The following EFCAB13 variants were observed in gnomAD, a reference collection of about 807,000 sequenced individuals.
The protein encoded by EFCAB13 is EF-hand calcium-binding domain-containing protein 13.
In EFCAB13, 91 loss-of-function variants were observed where a neutral mutation model predicts 110.2. The ratio of observed to expected loss-of-function variants is 0.83; its 90% CI spans 0.70 to 0.98. The LOEUF is 0.98. Among genes scored for constraint, EFCAB13 ranks in the 50% least tolerant of loss-of-function variants. EFCAB13 has a pLI of 0.00. For missense variants in EFCAB13, 968 were observed against 1,119.4 expected, an observed-to-expected ratio of 0.86 and a Z score of 1.93; for synonymous variants, 323 against 369.9, an observed-to-expected ratio of 0.87 and a Z score of 1.45.
intron 17 of EFCAB13, among the ~76,000 whole-genome samples, chr17:47,398,205 T>C (rs1228785643): frequency 7.5e-6 from 1 of 133,710 alleles, no homozygotes; most frequent in Non-Finnish European, 1.6e-5. Flanking sequence ...GGAGCCCCTC[T>C]GCCCGGCCAG....
chr17:47,333,905 T>G (rs2065334457), intron 4 of EFCAB13, among the ~76,000 whole-genome samples: 1 of 152,228 alleles, frequency 6.6e-6, no homozygotes, highest in South Asian at 2.1e-4. Flanking sequence ...TGCTTAAGAT[T>G]GCTTTGGCTA....
At chr17:47,415,473 G>A (rs1001458388) in intron 23 of EFCAB13, among the ~76,000 whole-genome samples, 1 of 151,994 alleles carries the variant, frequency 6.6e-6, no homozygotes, top group Non-Finnish European at 1.5e-5. Context: ...CACTTATGAT[G>A]TATAGTATAA....
At chr17:47,430,219 C>A in intron 24 of EFCAB13, 2 of 1,073,812 alleles carry the variant, frequency 1.9e-6, no homozygotes, top group Non-Finnish European at 1.1e-6. Context: ...TGTGAACTGA[C>A]TGACATGCAC....
chr17:47,409,497 AG>A, intron 20 of EFCAB13, 149 bp from the exon 21 acceptor site: 1 of 636,888 alleles, frequency 1.6e-6, no homozygotes, highest in Middle Eastern at 3.1e-4. Context: ...TTTGGGAGCC[AG>A]GGAACAACTT....
chr17:47,360,739 T>C (rs2065508269), intron 9 of EFCAB13, among the ~76,000 whole-genome samples: 1 of 152,166 alleles, frequency 6.6e-6, no homozygotes, highest in African/African-American at 2.4e-5. Context: ...GGTTTTCTTC[T>C]AGGGTTTTTA....
chr17:47,368,974 C>G (rs868709586), intron 10 of EFCAB13, among the ~76,000 whole-genome samples: 1 of 152,152 alleles, frequency 6.6e-6, no homozygotes. Context: ...CAATGATGTA[C>G]CAATCCAGTG....
chr17:47,384,431 T>C (rs2065665101), intron 14 of EFCAB13, among the ~76,000 whole-genome samples: 1 of 152,002 alleles, frequency 6.6e-6, no homozygotes, highest in South Asian at 2.1e-4. Context: ...CGACTGTTTT[T>C]TTTTTTTGCA....
At position 47,391,518 on chromosome 17, in the gene EFCAB13, AT is replaced by A; in HGVS notation, c.1668del (p.Phe556LeufsTer16). 2 of 1,594,742 alleles carry A rather than the reference AT, an allele frequency of 1.3e-6. No individual in the cohort carries two copies. Among genetic ancestry groups the A allele is most frequent in the Non-Finnish European group, 8.5e-7 (1 of 1,173,150 alleles). On this transcript the variant is annotated frameshift_variant, in exon 15 of 25. Transcript: ENST00000331493. LOFTEE classifies it high-confidence loss of function. ...GAGGATCTAAATACTTGTCTTCAAA[AT>A]TTTGGTATTTACCTTTCTAAGCCAG... Reference protein sequence around the residue: ...DYEDLNTCLQNFGIYLSKPEF... With the variant: ...DYEDLNTCLQXFGIYLSKPEF...
chr17:47,341,476 C>G (rs2065384474), intron 5 of EFCAB13: 1 of 152,496 alleles, frequency 6.6e-6, no homozygotes, highest in Non-Finnish European at 1.5e-5. Context: ...TATGCCTCAG[C>G]CTCCTGAGTA....
chr17:47,337,028 C>T (rs1422526305), intron 5 of EFCAB13, among the ~76,000 whole-genome samples: 4 of 152,204 alleles, frequency 2.6e-5, no homozygotes, highest in Non-Finnish European at 5.9e-5. Flanking sequence ...TCTCCTCTAC[C>T]TTCCAGAAAT....
intron 10 of EFCAB13, among the ~76,000 whole-genome samples, chr17:47,365,056 G>A (rs2143329740): frequency 6.6e-6 from 1 of 152,304 alleles, no homozygotes. Flanking sequence ...ACCTCTCTGA[G>A]TAGGTCAGAT....
At chr17:47,334,840 G>A (rs1207006176) in intron 4 of EFCAB13, among the ~76,000 whole-genome samples, 1 of 152,088 alleles carries the variant, frequency 6.6e-6, no homozygotes, top group Non-Finnish European at 1.5e-5. Context: ...GCTTGAGCCT[G>A]GGAGGTCAAG....
chr17:47,432,895 C>CCCTA (rs1905145146), intron 24 of EFCAB13, among the ~76,000 whole-genome samples: 1 of 152,078 alleles, frequency 6.6e-6, no homozygotes, highest in Non-Finnish European at 1.5e-5. Context: ...TTCCTGTGTA[C>CCCTA]CCTACCCAGC....
intron 11 of EFCAB13, 135 bp downstream of exon 11, chr17:47,370,643 G>C: frequency 1.9e-6 from 1 of 528,132 alleles, no homozygotes; most frequent in Non-Finnish European, 3.2e-6. Flanking sequence ...AAATCAAGGA[G>C]ATAAAATATA....
At chr17:47,326,997 T>C (rs75705232) in intron 3 of EFCAB13, among the ~76,000 whole-genome samples, 2,524 of 152,300 alleles carry the variant, frequency 0.017, 33 homozygotes, top group Non-Finnish European at 0.022. Context: ...TGTAATATAA[T>C]GTAATATAGC....
chr17:47,363,316 C>T (rs1269821312), intron 10 of EFCAB13, among the ~76,000 whole-genome samples: 2 of 152,154 alleles, frequency 1.3e-5, no homozygotes, highest in Non-Finnish European at 2.9e-5. Context: ...ATCCTCCTGC[C>T]TCAGCCTGCT....
chr17:47,433,770 C>T, intron 24 of EFCAB13, among the ~76,000 whole-genome samples: 1 of 152,138 alleles, frequency 6.6e-6, no homozygotes. Flanking sequence ...ATGTGGTTAA[C>T]TTACACTTAT....
chr17:47,332,953 A>G (rs1418426353), intron 4 of EFCAB13, among the ~76,000 whole-genome samples: 1 of 152,174 alleles, frequency 6.6e-6, no homozygotes, highest in Non-Finnish European at 1.5e-5. Context: ...GCTGGATCAC[A>G]CGGTAATTCT....
intron 14 of EFCAB13, among the ~76,000 whole-genome samples, chr17:47,386,249 G>A (rs1036284055): frequency 2.0e-5 from 3 of 152,134 alleles, no homozygotes; most frequent in South Asian, 2.1e-4. Flanking sequence ...GCCCACAGCC[G>A]CCCCTTCCCC....
Sources: gnomAD v4.1 joint callset for allele counts (sites outside exome capture counted in the v4.1 genomes callset) on GRCh38, gnomAD v4.1.1 for gene constraint, MANE v1.5 for transcripts, NCBI Gene and HGNC (gene_info 2026-07-23, HGNC 2026-07-21) for gene names.